The following ITPR1 variants were observed in gnomAD, a reference collection of about 807,000 sequenced individuals.
The protein encoded by ITPR1 is inositol 1,4,5-trisphosphate receptor type 1.
A neutral mutation model predicts 318.4 loss-of-function variants in ITPR1; 96 were observed. The ratio of observed to expected loss-of-function variants is 0.30; its 90% confidence interval spans 0.26 to 0.36. The LOEUF (loss-of-function observed/expected upper bound fraction) is 0.36. ITPR1 is among the 10% of genes least tolerant of loss of function. The pLI is 1.00. For missense variants in ITPR1, 2,440 were observed against 3,460.2 expected, an observed-to-expected ratio of 0.71 and a Z score of 7.40; for synonymous variants, 1,312 against 1,289.9, an observed-to-expected ratio of 1.02 and a Z score of -0.37.
intron 5 of ITPR1, among the ~76,000 whole-genome samples, chr3:4,629,283 G>A (rs2092939871): frequency 6.6e-6 from 1 of 152,014 alleles, no homozygotes; most frequent in African/African-American, 2.4e-5. Flanking sequence ...AGTTTGTCCT[G>A]TTGAGAACAT....
In ITPR1 at chr3:4,641,581, G is replaced by A. The variant is rs189303175; in HGVS notation, c.367-512G>A. ...TGTAGAGACAAGATCTCCCTGTGTC[G>A]CCCAGGCTTGTCTCAAACTCCTGGG... On this transcript the variant is annotated intron_variant, in intron 6 of 61. Coordinates refer to ENST00000649015, the MANE Select transcript of ITPR1 (RefSeq NM_001378452.1). Among the ~76,000 whole-genome samples, 435 of 152,214 alleles carry A rather than the reference G, an allele frequency of 2.9e-3. 1 individual carries two copies. Among genetic ancestry groups the A allele is most frequent in the Non-Finnish European group, 4.8e-3 (324 of 68,012 alleles).
At chr3:4,607,887 T>C (rs916752362) in intron 4 of ITPR1, among the ~76,000 whole-genome samples, 2 of 152,158 alleles carry the variant, frequency 1.3e-5, no homozygotes, top group African/African-American at 2.4e-5. Flanking sequence ...GTAAGTTGCA[T>C]ATCTTGTGAC....
At chr3:4,763,928 A>AT (rs1222652426) in intron 44 of ITPR1, among the ~76,000 whole-genome samples, 3 of 152,224 alleles carry the variant, frequency 2.0e-5, no homozygotes, top group Non-Finnish European at 4.4e-5. Context: ...ACTTACTTGA[A>AT]GGGCTTTTGT....
At chr3:4,719,674 G>T (rs796938586) in intron 40 of ITPR1, among the ~76,000 whole-genome samples, 30 of 152,306 alleles carry the variant, frequency 2.0e-4, no homozygotes, top group African/African-American at 7.2e-4. Flanking sequence ...TTAATGACTT[G>T]ATAAAAAGTA....
At chr3:4,814,360 C>G (rs1298018919) in intron 57 of ITPR1, 63 bp from the exon 58 acceptor site, 1 of 1,571,242 alleles carries the variant, frequency 6.4e-7, no homozygotes, top group Non-Finnish European at 8.8e-7. Flanking sequence ...AACAGGATTT[C>G]AAAATCCCGG....
At chr3:4,609,923 C>T (rs974253672) in intron 4 of ITPR1, among the ~76,000 whole-genome samples, 1 of 152,138 alleles carries the variant, frequency 6.6e-6, no homozygotes, top group East Asian at 1.9e-4. Flanking sequence ...GAGCAGGACA[C>T]GTGAGGAAAA....
intron 60 of ITPR1, among the ~76,000 whole-genome samples, chr3:4,833,251 C>T (rs1483709705): frequency 1.3e-5 from 2 of 152,176 alleles, no homozygotes; most frequent in African/African-American, 4.8e-5. Context: ...GGAAAATTCT[C>T]ATTTTAATCT....
chr3:4,591,605 A>G (rs1007074368), intron 4 of ITPR1, among the ~76,000 whole-genome samples: 3 of 152,228 alleles, frequency 2.0e-5, no homozygotes, highest in Non-Finnish European at 4.4e-5. Flanking sequence ...TAGCCTGACT[A>G]TTTTCCTGAA....
intron 4 of ITPR1, among the ~76,000 whole-genome samples, chr3:4,624,908 G>A (rs920639516): frequency 2.6e-5 from 4 of 152,104 alleles, no homozygotes; most frequent in Admixed American, 6.5e-5. Flanking sequence ...TAGGAAAACT[G>A]CTGCTCTGGA....
intron 8 of ITPR1, among the ~76,000 whole-genome samples, chr3:4,644,498 G>C (rs2093410161): frequency 6.6e-6 from 1 of 152,214 alleles, no homozygotes; most frequent in Admixed American, 6.5e-5. Context: ...TTTTTCATTG[G>C]TGAAGCCAGA....
chr3:4,810,237 CCTT>C (rs1296572455), intron 55 of ITPR1, among the ~76,000 whole-genome samples: 3 of 152,198 alleles, frequency 2.0e-5, no homozygotes, highest in Non-Finnish European at 4.4e-5. Flanking sequence ...GGAGACCAAA[CCTT>C]CTGTACAGGA....
chr3:4,845,114 A>G (rs1038756765), intron 61 of ITPR1, among the ~76,000 whole-genome samples: 1 of 152,246 alleles, frequency 6.6e-6, no homozygotes, highest in Non-Finnish European at 1.5e-5. Flanking sequence ...ACAGACTTTG[A>G]TAAGTTAAAT....
At position 4,658,211 on chromosome 3, in the gene ITPR1, A is replaced by C; in HGVS notation, c.1084A>C (p.Asn362His). 1.2e-6 allele frequency: 2 copies of C among 1,613,728 alleles called. No individual in the cohort carries two copies. The highest frequency in any genetic ancestry group is 2.2e-5 in the South Asian group (2 of 91,064). ...VYSLVSVPEGNDISSIFELDP... is the reference protein window; with the variant it reads ...VYSLVSVPEGHDISSIFELDP... ...CTCCCTGGTCTCTGTGCCTGAAGGC[A>C]ATGACATCTCCTCCATTTTCGAGCT... The change falls in exon 13 of 62, where the codon AAT becomes CAT. Residue 362 changes from asparagine to histidine, a missense_variant. Transcript: ENST00000649015.
intron 2 of ITPR1, among the ~76,000 whole-genome samples, chr3:4,495,991 G>A (rs2080531346): frequency 6.6e-6 from 1 of 152,192 alleles, no homozygotes; most frequent in Non-Finnish European, 1.5e-5. Context: ...ATAAAAGAGT[G>A]CAGATATTTG....
At chr3:4,597,859 AGT>A (rs1332330853) in intron 4 of ITPR1, among the ~76,000 whole-genome samples, 1 of 152,248 alleles carries the variant, frequency 6.6e-6, no homozygotes, top group African/African-American at 2.4e-5. Flanking sequence ...ACAGAGTCAC[AGT>A]GGCCTTCTCA....
chr3:4,604,768 C>A (rs6765127), intron 4 of ITPR1, among the ~76,000 whole-genome samples: 1 of 152,006 alleles, frequency 6.6e-6, no homozygotes, highest in Non-Finnish European at 1.5e-5. Flanking sequence ...ATCTTTCCCC[C>A]TGAAGAGGGA....
At chr3:4,828,885 G>A (rs1179391257) in intron 60 of ITPR1, among the ~76,000 whole-genome samples, 1 of 152,094 alleles carries the variant, frequency 6.6e-6, no homozygotes, top group African/African-American at 2.4e-5. Context: ...TATGCCGTTT[G>A]GATACCCTTC....
intron 52 of ITPR1, among the ~76,000 whole-genome samples, chr3:4,791,589 G>C (rs866868556): frequency 4.6e-5 from 7 of 152,190 alleles, no homozygotes; most frequent in Admixed American, 2.6e-4. Context: ...ACTGGTCTGC[G>C]GCCCCAGGGT....
At chr3:4,615,677 C>T (rs2092360466) in intron 4 of ITPR1, among the ~76,000 whole-genome samples, 2 of 152,036 alleles carry the variant, frequency 1.3e-5, no homozygotes, top group Non-Finnish European at 1.5e-5. Flanking sequence ...GAGCTTGACC[C>T]CAACTGACTT....
Sources: allele counts gnomAD v4.1 joint callset (sites outside exome capture counted in the v4.1 genomes callset), GRCh38; gene constraint gnomAD v4.1.1; transcripts MANE v1.5; gene names NCBI Gene and HGNC (gene_info 2026-07-23, HGNC 2026-07-21).